The following RNF185 variants were observed in gnomAD, a reference collection of about 807,000 sequenced individuals.
RNF185 encodes the protein E3 ubiquitin-protein ligase RNF185.
In RNF185, 13 loss-of-function variants were observed where a neutral mutation model predicts 24.9. The observed-to-expected ratio is 0.52, with a 90% CI of 0.34 to 0.83. The LOEUF (loss-of-function observed/expected upper bound fraction) is 0.83. RNF185 is among the 40% of genes least tolerant of loss of function. The probability of loss-of-function intolerance (pLI) is 0.01; values close to 1 mark genes in which losing one functional copy is unlikely to be tolerated. For missense variants in RNF185, 184 were observed against 244.7 expected (o/e 0.75, Z 1.65); for synonymous variants, 79 against 90.3 (o/e 0.88, Z 0.71).
intron 1 of RNF185, among the ~76,000 whole-genome samples, chr22:31,182,516 T>A (rs1485634769): frequency 9.2e-5 from 14 of 152,084 alleles, no homozygotes; most frequent in Admixed American, 9.2e-4. Flanking sequence ...CCCAGGCTGG[T>A]CTCCACCTCC....
At chr22:31,180,966 T>C (rs1388187475) in intron 1 of RNF185, among the ~76,000 whole-genome samples, 6 of 149,942 alleles carry the variant, frequency 4.0e-5, no homozygotes, top group Non-Finnish European at 8.8e-5. Context: ...TGTCTGCCTG[T>C]CTGTCTGTGT....
chr22:31,177,318 T>C (rs898794122), intron 1 of RNF185, among the ~76,000 whole-genome samples: 10 of 151,924 alleles, frequency 6.6e-5, no homozygotes, highest in African/African-American at 2.4e-4. Flanking sequence ...CATTCCTATC[T>C]ACTAAGTAGA....
intron 1 of RNF185, among the ~76,000 whole-genome samples, chr22:31,162,645 C>T (rs1255870365): frequency 1.3e-5 from 2 of 150,280 alleles, no homozygotes; most frequent in Non-Finnish European, 1.5e-5. Context: ...TTGAAGCACA[C>T]GTTAGCAAAT....
intron 1 of RNF185, among the ~76,000 whole-genome samples, chr22:31,181,283 G>T (rs1439524632): frequency 6.6e-6 from 1 of 151,900 alleles, no homozygotes. Flanking sequence ...GGTTGAGCTT[G>T]CAGTGAGCTG....
At chr22:31,172,922 A>G (rs1161053916) in intron 1 of RNF185, among the ~76,000 whole-genome samples, 1 of 152,174 alleles carries the variant, frequency 6.6e-6, no homozygotes, top group Non-Finnish European at 1.5e-5. Context: ...ATGGTGTTAT[A>G]CTAGAAATTC....
At chr22:31,198,691 G>T (rs992486903) in intron 5 of RNF185, among the ~76,000 whole-genome samples, 1 of 138,424 alleles carries the variant, frequency 7.2e-6, no homozygotes, top group Non-Finnish European at 1.5e-5. Flanking sequence ...GAGCCACCGC[G>T]CACTGCCACT....
chr22:31,163,832 C>T (rs1923737683), intron 1 of RNF185, among the ~76,000 whole-genome samples: 1 of 151,786 alleles, frequency 6.6e-6, no homozygotes, highest in Admixed American at 6.6e-5. Flanking sequence ...CGCCACCTTG[C>T]CTGGCTAATT....
At chr22:31,166,322 C>G (rs1172094950) in intron 1 of RNF185, among the ~76,000 whole-genome samples, 2 of 152,108 alleles carry the variant, frequency 1.3e-5, no homozygotes, top group East Asian at 3.9e-4. Flanking sequence ...TTGGGAAATA[C>G]AGAAAAATCT....
intron 2 of RNF185, 89 bp from the exon 3 acceptor site, chr22:31,192,595 A>G (rs2048165797): frequency 2.7e-6 from 3 of 1,108,770 alleles, no homozygotes; most frequent in Non-Finnish European, 4.2e-6. Flanking sequence ...CACTCCACCC[A>G]TCAAGTGTTT....
rs189212917 is a variant in RNF185, at chr22:31,176,429, C to T, written c.-48-10618C>T. Among the ~76,000 whole-genome samples the T allele has an allele frequency of 9.5e-3, 1,445 of 151,574 alleles. 9 individuals carry two copies. The highest frequency in any genetic ancestry group is 0.031 in the Middle Eastern group (9 of 294). On this transcript the variant is annotated intron_variant, in intron 1 of 6. Coordinates refer to ENST00000326132, the MANE Select transcript of RNF185 (RefSeq NM_152267.4). ...TGCTAGGAATGCAGGTATGACCCAC[C>T]GCACCTGGCCACATATATATTCAAC...
intron 5 of RNF185, among the ~76,000 whole-genome samples, chr22:31,200,312 G>A (rs1431610987): frequency 1.3e-5 from 2 of 152,084 alleles, no homozygotes; most frequent in Admixed American, 6.6e-5. Flanking sequence ...AGCCATGATT[G>A]CACCATTGCA....
Position 31,187,164 on chromosome 22 carries a change from A to G in RNF185, c.70A>G (p.Ser24Gly), listed in dbSNP as rs762059963. Residue 24 changes from serine to glycine, a missense_variant, in exon 2 of 7, where the codon AGC (serine) becomes GGC (glycine). By Grantham distance (56) the Ser-to-Gly change is moderately conservative. Transcript: ENST00000326132. ...CAGTGCAGGGGGGCCCAGTGGGAGCAGCAATGGCGCTGGCGAGAGCGGAGG... is the reference window on the plus strand; with the variant it reads ...CAGTGCAGGGGGGCCCAGTGGGAGCGGCAATGGCGCTGGCGAGAGCGGAGG... ...NSSAGGPSGS[S>G]NGAGESGGQD... is the part of the protein sequence containing the mutation. 1 of 1,613,892 alleles carries G rather than the reference A, an allele frequency of 6.2e-7. No homozygotes were observed. The highest frequency in any genetic ancestry group is 8.5e-7 in the Non-Finnish European group (1 of 1,179,852).
At chr22:31,201,426 A>C in intron 5 of RNF185, 72 bp from the exon 6 acceptor site, 2 of 1,029,874 alleles carry the variant, frequency 1.9e-6, no homozygotes, top group Non-Finnish European at 3.1e-6. Flanking sequence ...AACGTGAGGT[A>C]TGTTGAGTTT....
intron 6 of RNF185, 33 bp downstream of exon 6, chr22:31,201,648 ATATCT>A (rs761903246): frequency 1.4e-6 from 2 of 1,463,094 alleles, no homozygotes; most frequent in Non-Finnish European, 1.9e-6. Context: ...AATTAGGAAG[ATATCT>A]TAGTAATATT....
rs184112963 is a variant in RNF185 at position 31,194,424 on chromosome 22, A to G, written c.196-1045A>G. Among the ~76,000 whole-genome samples, 3 of 152,174 alleles carry G rather than the reference A, an allele frequency of 2.0e-5. No individual in the cohort carries two copies. In the East Asian group the frequency reaches 5.8e-4, roughly 29 times the overall value. On this transcript the variant is annotated intron_variant, in intron 3 of 6. Coordinates refer to ENST00000326132, the MANE Select transcript of RNF185 (RefSeq NM_152267.4). ...ATGCCTGGGATACACAGTTGTTGGG[A>G]AAATGCTATAAAAATGAGAAATTGG...
Position 31,196,809 on chromosome 22 carries a change from A to C in RNF185, c.309-127A>C, listed in dbSNP as rs2048209586. On this transcript the variant is annotated intron_variant, in intron 4 of 6. Transcript: ENST00000326132. The stretch of plus-strand genomic sequence containing the variant: ...TTCGTATTTGGAGAATTAATCTGGC[A>C]TAAGTTCATGTCCTGGACAAGAAAG... The C allele has an allele frequency of 7.3e-6, 9 of 1,237,276 alleles. No individual in the cohort carries two copies. The South Asian group carries it at 1.3e-4, about 18-fold the overall frequency. 76.6% of individuals were successfully genotyped at this position (1,237,276 alleles called of 1,614,324 possible). A position where few individuals can be genotyped will look rare whatever the true frequency, so the allele number is the denominator to read the frequency against.
chr22:31,196,851 C>A (rs897975662), intron 4 of RNF185, 85 bp from the exon 5 acceptor site: 5 of 1,567,642 alleles, frequency 3.2e-6, no homozygotes, highest in Non-Finnish European at 4.3e-6. Flanking sequence ...TGGCCCTGAC[C>A]CTGTTGGTAA....
intron 3 of RNF185, among the ~76,000 whole-genome samples, chr22:31,194,058 A>G (rs1225365913): frequency 6.6e-6 from 1 of 151,350 alleles, no homozygotes; most frequent in Admixed American, 6.6e-5. Context: ...ACACCCGGCT[A>G]GTTTTTTTGT....
At chr22:31,200,600 T>A (rs2048251999) in intron 5 of RNF185, among the ~76,000 whole-genome samples, 1 of 152,260 alleles carries the variant, frequency 6.6e-6, no homozygotes, top group African/African-American at 2.4e-5. Flanking sequence ...GTATTGTTCC[T>A]GCTGAATCTT....
Sources: gnomAD v4.1 joint callset for allele counts (sites outside exome capture counted in the v4.1 genomes callset) on GRCh38, gnomAD v4.1.1 for gene constraint, MANE v1.5 for transcripts, NCBI Gene and HGNC (gene_info 2026-07-23, HGNC 2026-07-21) for gene names.